The following ZNF516 variants were observed in gnomAD, a reference collection of about 807,000 sequenced individuals.
The protein encoded by ZNF516 is zinc finger protein 516.
A neutral mutation model predicts 79.7 loss-of-function variants in ZNF516; 19 were observed. The ratio of observed to expected loss-of-function variants is 0.24; its 90% CI spans 0.17 to 0.35. The LOEUF (loss-of-function observed/expected upper bound fraction) is 0.35, where lower values mean the gene tolerates loss of function less well. Among genes scored for constraint, ZNF516 ranks in the 10% least tolerant of loss-of-function variants. The pLI is 1.00. For missense variants in ZNF516, 1,678 were observed against 1,679.5 expected (o/e 1.00, Z 0.02); for synonymous variants, 877 against 739.5 (o/e 1.19, Z -3.02).
At chr18:76,490,879 A>G in intron 1 of ZNF516, 1 of 985,462 alleles carries the variant, frequency 1.0e-6, no homozygotes, top group Non-Finnish European at 1.2e-6. Context: ...GCCCACGGGC[A>G]CATCTGGGCT....
rs1481782432 is a variant in ZNF516 at position 76,441,275 on chromosome 18, CACT to C, written c.1777_1779del (p.Ser593del). 9 of 1,610,794 alleles carry C rather than the reference CACT, an allele frequency of 5.6e-6. No homozygotes were observed. The highest frequency in any genetic ancestry group is 1.3e-5 in the African/African-American group (1 of 74,866). ...GCAGGTTCAGGGGCGCCCTCCTCAC[CACT>C]GTCTTCGGCAGCCTCGTCGGCCAGG... On this transcript the variant is annotated inframe_deletion, in exon 3 of 7. Transcript: ENST00000443185.
At chr18:76,428,322 G>A (rs964855229) in intron 3 of ZNF516, among the ~76,000 whole-genome samples, 67 of 149,646 alleles carry the variant, frequency 4.5e-4, no homozygotes, top group Non-Finnish European at 8.0e-4. Flanking sequence ...GAACCTGACA[G>A]ACAGAGGTTG....
intron 3 of ZNF516, among the ~76,000 whole-genome samples, chr18:76,439,553 A>C (rs189151860): frequency 6.6e-6 from 1 of 152,234 alleles, no homozygotes; most frequent in Non-Finnish European, 1.5e-5. Flanking sequence ...TTTAAGACAT[A>C]AACAGTAGTC....
Position 76,459,828 on chromosome 18 carries a change from C to A in ZNF516, c.-158+3200G>T, listed in dbSNP as rs766919868. On this transcript the variant is annotated intron_variant, in intron 2 of 6. Coordinates refer to ENST00000443185, the MANE Select transcript of ZNF516 (RefSeq NM_014643.4). The surrounding 1 kb of genome is among the most constrained non-coding windows in gnomAD (Gnocchi z 5.0). The stretch of plus-strand genomic sequence containing the variant: ...ACGAGGTTAGACGGTGGCAGGCAGG[C>A]TAAGAACAGGCGATCCGGCAGGCAC... 1.3e-5 allele frequency among the ~76,000 whole-genome samples: 2 copies of A among 151,984 alleles called. No homozygotes were observed. Among genetic ancestry groups the A allele is most frequent in the South Asian group, 2.1e-4 (1 of 4,798 alleles).
chr18:76,402,934 GAGTCGAAGCT>G (rs2075251346), intron 3 of ZNF516, among the ~76,000 whole-genome samples: 2 of 152,354 alleles, frequency 1.3e-5, no homozygotes, highest in Admixed American at 1.3e-4. Flanking sequence ...TTGTGCCACA[GAGTCGAAGCT>G]AGTCGAAGCT....
chr18:76,427,197 G>T (rs1304013269), intron 3 of ZNF516, among the ~76,000 whole-genome samples: 2 of 152,108 alleles, frequency 1.3e-5, no homozygotes, highest in Non-Finnish European at 2.9e-5. Context: ...ATATATTATT[G>T]GTTTCAACAC....
At chr18:76,472,662 G>A (rs1176521786) in intron 1 of ZNF516, among the ~76,000 whole-genome samples, 1 of 152,238 alleles carries the variant, frequency 6.6e-6, no homozygotes, top group African/African-American at 2.4e-5. Context: ...ATAAGGACGA[G>A]TGTCCTCACC....
chr18:76,473,221 G>GT (rs555338253), intron 1 of ZNF516, among the ~76,000 whole-genome samples: 75 of 148,730 alleles, frequency 5.0e-4, no homozygotes, highest in South Asian at 1.5e-3. Flanking sequence ...AAGCACAAAA[G>GT]TTTTTTTTTT....
chr18:76,362,967 C>T (rs145721395), intron 6 of ZNF516, among the ~76,000 whole-genome samples: 86 of 152,288 alleles, frequency 5.6e-4, no homozygotes, highest in African/African-American at 1.6e-3. Context: ...TACAAGTGAA[C>T]GGTAGTTCCA....
rs776977927 is a variant in ZNF516, at chr18:76,360,632, TAAAAAAA to T, written c.*1859_*1865del. On this transcript the variant is annotated 3_prime_UTR_variant, in exon 7 of 7. Transcript: ENST00000443185. Reference sequence around the variant, plus strand: ...TGTAAGAATATCAGAAAAAAATAAGTAAAAAAAAAAAAAAATATATATATATATATAT... The same window carrying T: ...TGTAAGAATATCAGAAAAAAATAAGTAAAAAAAATATATATATATATATAT... 2 of 25,718 alleles carry T rather than the reference TAAAAAAA, an allele frequency of 7.8e-5. No individual in the cohort carries two copies. Among genetic ancestry groups the T allele is most frequent in the Non-Finnish European group, 1.5e-4 (2 of 13,672 alleles). The allele number at this position is 25,718 out of a possible 1,614,324, so 1.6% of individuals were successfully genotyped here.
At chr18:76,383,340 A>C (rs1300820921) in intron 3 of ZNF516, among the ~76,000 whole-genome samples, 2 of 151,628 alleles carry the variant, frequency 1.3e-5, no homozygotes, top group Admixed American at 1.3e-4. Context: ...CAAGGAACCA[A>C]GCACCTTCTC....
At chr18:76,367,992 C>G (rs2074643642) in intron 6 of ZNF516, among the ~76,000 whole-genome samples, 1 of 152,154 alleles carries the variant, frequency 6.6e-6, no homozygotes, top group African/African-American at 2.4e-5. Flanking sequence ...GCCATGATCC[C>G]TAGCATCTAA....
At chr18:76,475,952 G>C (rs985731015) in intron 1 of ZNF516, among the ~76,000 whole-genome samples, 1 of 152,206 alleles carries the variant, frequency 6.6e-6, no homozygotes, top group African/African-American at 2.4e-5. Flanking sequence ...GCGCTCAATA[G>C]TAGCTTCCAT....
intron 3 of ZNF516, among the ~76,000 whole-genome samples, chr18:76,417,337 A>C (rs902090813): frequency 6.6e-6 from 1 of 152,240 alleles, no homozygotes; most frequent in Admixed American, 6.5e-5. Flanking sequence ...GAAAGCGTGG[A>C]AACCAAAGCT....
chr18:76,365,345 C>T (rs2074597484), intron 6 of ZNF516, among the ~76,000 whole-genome samples: 2 of 152,172 alleles, frequency 1.3e-5, no homozygotes, highest in African/African-American at 2.4e-5. Flanking sequence ...CCCAAAACCA[C>T]GAGGTTGGGG....
chr18:76,487,166 A>T (rs867841469), intron 1 of ZNF516, among the ~76,000 whole-genome samples: 31 of 152,338 alleles, frequency 2.0e-4, no homozygotes, highest in Middle Eastern at 6.8e-3. Context: ...GAGAGCCACA[A>T]ATTACACTGC....
At chr18:76,424,676 C>A (rs1272195762) in intron 3 of ZNF516, among the ~76,000 whole-genome samples, 2 of 137,482 alleles carry the variant, frequency 1.5e-5, no homozygotes, top group African/African-American at 2.8e-5. Flanking sequence ...GAAACACACG[C>A]AGGTGAAAAG....
chr18:76,440,761 T>TGTGTGTGTGTGTGTGCGC (rs571461431), intron 3 of ZNF516, among the ~76,000 whole-genome samples: 79 of 150,240 alleles, frequency 5.3e-4, no homozygotes, highest in South Asian at 2.3e-3. Flanking sequence ...TGTGTGTGTG[T>TGTGTGTGTGTGTGTGCGC]GCGCGCACGC....
chr18:76,421,662 T>A lies in ZNF516; in HGVS notation c.1810+19583A>T, dbSNP rs138918599. ...TCCAAGCCACAGGGAGCAGGTCCTA[T>A]GGGTGAACAACATCCCAAAATAAAC... On this transcript the variant is annotated intron_variant, in intron 3 of 6. Transcript: ENST00000443185. Among the ~76,000 whole-genome samples, 345 of 152,350 alleles carry A rather than the reference T, an allele frequency of 2.3e-3. 3 individuals carry two copies. The highest frequency in any genetic ancestry group is 7.7e-3 in the African/African-American group (322 of 41,578).
Sources: gnomAD v4.1 joint callset for allele counts (sites outside exome capture counted in the v4.1 genomes callset) on GRCh38, gnomAD v4.1.1 for gene constraint, Gnocchi (gnomAD v3.1) non-coding constraint, MANE v1.5 for transcripts, NCBI Gene and HGNC (gene_info 2026-07-23, HGNC 2026-07-21) for gene names.